Variants in CCBE1 observed in about 807,000 individuals in gnomAD.
CCBE1 encodes collagen and calcium-binding EGF domain-containing protein 1.
CCBE1 carries 37 observed loss-of-function variants against 50.0 expected under a neutral mutation model. The observed-to-expected ratio is 0.74, with a 90% CI of 0.57 to 0.97. CCBE1 has a LOEUF of 0.97. CCBE1 is among the 50% of genes least tolerant of loss of function. The pLI is 0.00. For synonymous variants in CCBE1, 234 were observed against 203.7 expected, an observed-to-expected ratio of 1.15 and a Z score of -1.27; for missense variants, 538 against 523.8, an observed-to-expected ratio of 1.03 and a Z score of -0.26.
intron 2 of CCBE1, among the ~76,000 whole-genome samples, chr18:59,696,077 C>T (rs905322716): frequency 1.3e-5 from 2 of 152,104 alleles, no homozygotes; most frequent in Admixed American, 1.3e-4. Flanking sequence ...TAACAAATAC[C>T]CAGGTGAATC....
At chr18:59,634,412 C>A (rs572092621) in intron 2 of CCBE1, among the ~76,000 whole-genome samples, 108 of 152,280 alleles carry the variant, frequency 7.1e-4, no homozygotes, top group African/African-American at 2.6e-3. Flanking sequence ...CAACATTAAC[C>A]AAAAGTGGTC....
chr18:59,685,013 T>A (rs954051360), intron 2 of CCBE1, among the ~76,000 whole-genome samples: 3 of 152,090 alleles, frequency 2.0e-5, no homozygotes, highest in Non-Finnish European at 4.4e-5. Context: ...TAAAAAAAAA[T>A]GTGTTTGATA....
intron 2 of CCBE1, among the ~76,000 whole-genome samples, chr18:59,617,615 A>T (rs965729765): frequency 6.6e-6 from 1 of 152,236 alleles, no homozygotes; most frequent in Admixed American, 6.5e-5. Context: ...CTACTTTTTC[A>T]GAGATGGGTT....
intron 2 of CCBE1, among the ~76,000 whole-genome samples, chr18:59,616,898 C>T (rs1010292172): frequency 1.3e-5 from 2 of 152,168 alleles, no homozygotes; most frequent in African/African-American, 4.8e-5. Flanking sequence ...CAGTTCATCA[C>T]TCCAGACTTC....
intron 2 of CCBE1, among the ~76,000 whole-genome samples, chr18:59,632,117 T>C (rs1052984655): frequency 6.6e-6 from 1 of 152,186 alleles, no homozygotes; most frequent in Non-Finnish European, 1.5e-5. Flanking sequence ...GAAAGGGCTG[T>C]AGGGATCTCC....
chr18:59,637,538 G>A (rs1391706757), intron 2 of CCBE1, among the ~76,000 whole-genome samples: 1 of 151,994 alleles, frequency 6.6e-6, no homozygotes, highest in Non-Finnish European at 1.5e-5. Context: ...GAAAGCTAAG[G>A]TGTACAAAGG....
At chr18:59,656,188 G>A (rs1186162133) in intron 2 of CCBE1, among the ~76,000 whole-genome samples, 1 of 152,218 alleles carries the variant, frequency 6.6e-6, no homozygotes, top group Non-Finnish European at 1.5e-5. Context: ...TAAATAAGCA[G>A]ATCCACTTCA....
At chr18:59,582,395 A>G (rs1217996896) in intron 2 of CCBE1, among the ~76,000 whole-genome samples, 3 of 152,228 alleles carry the variant, frequency 2.0e-5, no homozygotes, top group Non-Finnish European at 4.4e-5. Flanking sequence ...TACTCAGCTG[A>G]GCAGGTACCA....
chr18:59,671,028 C>A (rs1050870052), intron 2 of CCBE1, among the ~76,000 whole-genome samples: 6 of 152,184 alleles, frequency 3.9e-5, no homozygotes, highest in Non-Finnish European at 8.8e-5. Flanking sequence ...CCATGATTGA[C>A]GTTCAAAGCT....
intron 2 of CCBE1, among the ~76,000 whole-genome samples, chr18:59,658,230 A>G (rs2054217404): frequency 1.4e-5 from 2 of 144,246 alleles, no homozygotes; most frequent in Admixed American, 7.1e-5. Flanking sequence ...ATTACAGGGC[A>G]CAGTGGCTCA....
intron 2 of CCBE1, among the ~76,000 whole-genome samples, chr18:59,576,410 A>G (rs893842184): frequency 3.3e-5 from 5 of 152,238 alleles, no homozygotes; most frequent in African/African-American, 1.2e-4. Flanking sequence ...TACACTTGAC[A>G]TTCAGGAAAA....
At chr18:59,472,776 C>T (rs528751981) in intron 3 of CCBE1, among the ~76,000 whole-genome samples, 1 of 152,204 alleles carries the variant, frequency 6.6e-6, no homozygotes, top group East Asian at 1.9e-4. Context: ...AAAGACATAG[C>T]TGAGACTAGG....
intron 2 of CCBE1, among the ~76,000 whole-genome samples, chr18:59,564,675 C>A (rs1254095143): frequency 6.6e-6 from 1 of 152,204 alleles, no homozygotes; most frequent in African/African-American, 2.4e-5. Context: ...TAGCATCTGG[C>A]ACAGTCTTCC....
intron 2 of CCBE1, among the ~76,000 whole-genome samples, chr18:59,618,247 G>A (rs2053663139): frequency 6.6e-6 from 1 of 151,940 alleles, no homozygotes; most frequent in African/African-American, 2.4e-5. Flanking sequence ...CAAGGAAATT[G>A]AGACCAGCTT....
chr18:59,442,144 A>G (rs1037312374), intron 7 of CCBE1, among the ~76,000 whole-genome samples: 1 of 152,116 alleles, frequency 6.6e-6, no homozygotes, highest in African/African-American at 2.4e-5. Flanking sequence ...ACATTTTAAC[A>G]TCTCCCCCGT....
chr18:59,639,059 G>C (rs916850513), intron 2 of CCBE1, among the ~76,000 whole-genome samples: 1 of 152,032 alleles, frequency 6.6e-6, no homozygotes, highest in African/African-American at 2.4e-5. Context: ...GGTCTGCTTG[G>C]GCCCAGGAGT....
At chr18:59,602,145 A>T (rs993207021) in intron 2 of CCBE1, among the ~76,000 whole-genome samples, 1 of 151,626 alleles carries the variant, frequency 6.6e-6, no homozygotes, top group Non-Finnish European at 1.5e-5. Context: ...TTTTACTAAC[A>T]CCACAAATTG....
At chr18:59,678,127 T>C (rs772388287) in intron 2 of CCBE1, among the ~76,000 whole-genome samples, 3 of 152,150 alleles carry the variant, frequency 2.0e-5, no homozygotes, top group Non-Finnish European at 2.9e-5. Context: ...GATAAGTGTG[T>C]GCAACAGTTG....
At chr18:59,556,429 C>G (rs776732376) in intron 2 of CCBE1, among the ~76,000 whole-genome samples, 2 of 152,172 alleles carry the variant, frequency 1.3e-5, no homozygotes, top group Non-Finnish European at 2.9e-5. Context: ...CCTCAGCATT[C>G]TTTCCTGCAG....
Sources: allele counts gnomAD v4.1 joint callset (sites outside exome capture counted in the v4.1 genomes callset), GRCh38; gene constraint gnomAD v4.1.1; transcripts MANE v1.5; gene names NCBI Gene and HGNC (gene_info 2026-07-23, HGNC 2026-07-21).